Variants in MDGA2 observed in about 807,000 individuals in gnomAD.
MDGA2 encodes the protein MAM domain containing glycosylphosphatidylinositol anchor 2.
Under a neutral mutation model 117.8 loss-of-function variants are expected in MDGA2, and 40 were observed. That is an observed-to-expected ratio of 0.34 (90% CI 0.26 to 0.44). The LOEUF (loss-of-function observed/expected upper bound fraction) is 0.44, where lower values mean the gene tolerates loss of function less well. Among genes scored for constraint, MDGA2 ranks in the 20% least tolerant of loss-of-function variants. MDGA2 has a pLI of 1.00. For missense variants in MDGA2, 1,123 were observed against 1,250.6 expected (o/e 0.90, Z 1.54); for synonymous variants, 452 against 439.0 (o/e 1.03, Z -0.37).
chr14:46,954,884 A>G (rs1039184977), intron 9 of MDGA2, among the ~76,000 whole-genome samples: 2 of 152,058 alleles, frequency 1.3e-5, no homozygotes, highest in African/African-American at 2.4e-5. Flanking sequence ...TCATTTAAAA[A>G]TTATTTTCAG....
chr14:46,871,748 G>C (rs951112569), intron 14 of MDGA2: 1 of 163,102 alleles, frequency 6.1e-6, no homozygotes, highest in African/African-American at 2.4e-5. Flanking sequence ...GGAAACCAAG[G>C]TTCAGACATT....
intron 1 of MDGA2, among the ~76,000 whole-genome samples, chr14:47,658,435 G>C (rs751185605): frequency 1.3e-5 from 2 of 152,130 alleles, no homozygotes. Flanking sequence ...AAGGGTAATG[G>C]GTTCTAGAAG....
rs1159907075 is a variant in MDGA2 at position 47,400,756 on chromosome 14, TTC to T, written c.281-99208_281-99207del. Among the ~76,000 whole-genome samples, 13 of 13,622 alleles carry T rather than the reference TTC, an allele frequency of 9.5e-4. No individual in the cohort carries two copies. In the South Asian group the frequency reaches 0.071, roughly 75 times the overall value. The allele number at this position is 13,622 out of a possible 152,430, so 8.9% of individuals were successfully genotyped here. On this transcript the variant is annotated intron_variant, in intron 1 of 16. Transcript: ENST00000399232. ...TTTTTTCTTTTTCTTTTCTTTTCTT[TTC>T]TTTTTTTTTTTTTTTTGAGACGGAG... is the stretch of plus-strand genomic sequence containing the variant.
At chr14:47,470,621 A>G (rs891929144) in intron 1 of MDGA2, among the ~76,000 whole-genome samples, 1 of 152,082 alleles carries the variant, frequency 6.6e-6, no homozygotes, top group African/African-American at 2.4e-5. Flanking sequence ...AATCCTTTGG[A>G]TATATGCCCA....
chr14:47,576,691 C>A (rs1339050835), intron 1 of MDGA2, among the ~76,000 whole-genome samples: 1 of 152,162 alleles, frequency 6.6e-6, no homozygotes, highest in Non-Finnish European at 1.5e-5. Context: ...GCCAAATACT[C>A]ATTTAACTGA....
chr14:47,142,022 G>A (rs1285904426), intron 4 of MDGA2, among the ~76,000 whole-genome samples: 2 of 152,024 alleles, frequency 1.3e-5, no homozygotes, highest in African/African-American at 4.8e-5. Context: ...TTTTTTAAAA[G>A]TTTGATTGTG....
intron 1 of MDGA2, among the ~76,000 whole-genome samples, chr14:47,415,908 T>A (rs977204894): frequency 6.6e-6 from 1 of 152,180 alleles, no homozygotes; most frequent in East Asian, 1.9e-4. Context: ...TCCACCTGCA[T>A]GACTTCGTCA....
rs1566504353 is a variant in MDGA2 at position 47,537,573 on chromosome 14, T to TAAAAAAAAAAAAAAA, written c.280+136943_280+136944insTTTTTTTTTTTTTTT. 2.5e-4 allele frequency among the ~76,000 whole-genome samples: 14 copies of TAAAAAAAAAAAAAAA among 57,110 alleles called. 4 individuals are homozygous for TAAAAAAAAAAAAAAA. The highest frequency in any genetic ancestry group is 3.5e-4 in the African/African-American group (6 of 17,186). 37.5% of individuals were successfully genotyped at this position (57,110 alleles called of 152,430 possible). A position where few individuals can be genotyped will look rare whatever the true frequency, so the allele number is the denominator to read the frequency against. ...ATTATCCACTGTTACCTTCTCTCTGTTAAAAAAAAAAAAAAAAAAAAAAAA... is the reference window on the plus strand; with the variant it reads ...ATTATCCACTGTTACCTTCTCTCTGTAAAAAAAAAAAAAAATAAAAAAAAAAAAAAAAAAAAAAAA... On this transcript the variant is annotated intron_variant, in intron 1 of 16. Transcript: ENST00000399232.
At chr14:47,408,343 C>T (rs1421318968) in intron 1 of MDGA2, among the ~76,000 whole-genome samples, 1 of 152,234 alleles carries the variant, frequency 6.6e-6, no homozygotes, top group African/African-American at 2.4e-5. Flanking sequence ...CGTTAGCCAC[C>T]GTGCCCAGCC....
intron 2 of MDGA2, among the ~76,000 whole-genome samples, chr14:47,255,462 G>T (rs749884722): frequency 2.0e-5 from 3 of 152,142 alleles, no homozygotes; most frequent in African/African-American, 7.2e-5. Flanking sequence ...GATTCAGGTT[G>T]TTAACACTTA....
intron 1 of MDGA2, among the ~76,000 whole-genome samples, chr14:47,484,201 CA>C (rs1293739667): frequency 7.3e-5 from 11 of 151,456 alleles, no homozygotes; most frequent in Non-Finnish European, 1.6e-4. Context: ...ACTATAAAGC[CA>C]TATCAGAATT....
intron 1 of MDGA2, among the ~76,000 whole-genome samples, chr14:47,652,461 C>T (rs1324017091): frequency 2.6e-5 from 4 of 152,128 alleles, no homozygotes; most frequent in African/African-American, 9.7e-5. Context: ...ATAAATGAGA[C>T]TAACTCCAAT....
chr14:47,665,909 C>T (rs2138304582), intron 1 of MDGA2, among the ~76,000 whole-genome samples: 2 of 150,634 alleles, frequency 1.3e-5, no homozygotes, highest in South Asian at 4.2e-4. Context: ...TCCATGGTGC[C>T]CAGTCCCATC....
intron 1 of MDGA2, among the ~76,000 whole-genome samples, chr14:47,303,132 C>A (rs187303872): frequency 4.1e-4 from 62 of 152,218 alleles, no homozygotes; most frequent in Middle Eastern, 3.4e-3. Context: ...GTTCAGAGAC[C>A]TGATATATCT....
intron 2 of MDGA2, among the ~76,000 whole-genome samples, chr14:47,248,981 T>TC (rs1887347466): frequency 8.3e-6 from 1 of 120,640 alleles, no homozygotes; most frequent in African/African-American, 2.9e-5. Context: ...CTTCTCTCTC[T>TC]TTCTTTCTTT....
At chr14:47,209,036 T>C (rs1269105706) in intron 3 of MDGA2, among the ~76,000 whole-genome samples, 1 of 151,878 alleles carries the variant, frequency 6.6e-6, no homozygotes, top group Non-Finnish European at 1.5e-5. Context: ...TGCACACTGA[T>C]GTAATGATTA....
intron 1 of MDGA2, among the ~76,000 whole-genome samples, chr14:47,623,016 C>T (rs1897077838): frequency 6.6e-6 from 1 of 151,996 alleles, no homozygotes; most frequent in Non-Finnish European, 1.5e-5. Flanking sequence ...GAAAAAAATC[C>T]CCAACGCAAT....
At chr14:46,937,664 T>C (rs1884833237) in intron 9 of MDGA2, among the ~76,000 whole-genome samples, 1 of 152,154 alleles carries the variant, frequency 6.6e-6, no homozygotes, top group African/African-American at 2.4e-5. Context: ...CACAGCCAAC[T>C]GATTTTTGAC....
chr14:47,331,104 A>C (rs776096712), intron 1 of MDGA2, among the ~76,000 whole-genome samples: 2 of 151,878 alleles, frequency 1.3e-5, no homozygotes, highest in Non-Finnish European at 2.9e-5. Context: ...AAATTGCTGT[A>C]CCATTCCATT....
Sources: allele counts gnomAD v4.1 joint callset (sites outside exome capture counted in the v4.1 genomes callset), GRCh38; gene constraint gnomAD v4.1.1; transcripts MANE v1.5; gene names NCBI Gene and HGNC (gene_info 2026-07-23, HGNC 2026-07-21).